TENM3: variants seen among roughly 807,000 people sequenced by gnomAD.
TENM3 encodes the protein teneurin transmembrane protein 3, also known as teneurin-3.
A neutral mutation model predicts 255.1 loss-of-function variants in TENM3; 63 were observed. The ratio of observed to expected loss-of-function variants is 0.25; its 90% CI spans 0.20 to 0.30. TENM3 has a LOEUF of 0.30. TENM3 is among the 10% of genes least tolerant of loss of function. TENM3 has a pLI of 1.00. For missense variants in TENM3, 2,929 were observed against 3,461.1 expected (o/e 0.85, Z 3.86); for synonymous variants, 1,306 against 1,322.3 (o/e 0.99, Z 0.27).
chr4:181,695,525 T>C, the TENM3 span, among the ~76,000 whole-genome samples: 1 of 152,214 alleles, frequency 6.6e-6, no homozygotes, highest in African/African-American at 2.4e-5. Context: ...AGTGTGATTA[T>C]TCAACTTTCT....
At chr4:182,615,041 A>AT (rs1477352457) in intron 4 of TENM3, among the ~76,000 whole-genome samples, 4 of 49,526 alleles carry the variant, frequency 8.1e-5, no homozygotes, top group East Asian at 9.3e-4. Flanking sequence ...AAAAAAAAAA[A>AT]AATACATATA....
intron 3 of TENM3, among the ~76,000 whole-genome samples, chr4:182,545,245 T>C (rs1741315231): frequency 6.6e-6 from 1 of 152,210 alleles, no homozygotes; most frequent in Admixed American, 6.5e-5. Context: ...ATATGTCTGT[T>C]TGCGTGGAAA....
At chr4:182,311,436 A>T (rs1288536072) in intron 1 of TENM3, among the ~76,000 whole-genome samples, 1 of 152,148 alleles carries the variant, frequency 6.6e-6, no homozygotes, top group Non-Finnish European at 1.5e-5. Context: ...TTCTTAAAAA[A>T]TTTTATCTCT....
At chr4:181,942,308 T>C in the TENM3 span, among the ~76,000 whole-genome samples, 2 of 147,596 alleles carry the variant, frequency 1.4e-5, no homozygotes, top group Admixed American at 1.4e-4. Flanking sequence ...TTACCTTTTA[T>C]CCAAAATTAT....
chr4:182,698,283 A>C (rs879417048), intron 12 of TENM3, among the ~76,000 whole-genome samples: 1 of 152,148 alleles, frequency 6.6e-6, no homozygotes, highest in Non-Finnish European at 1.5e-5. Flanking sequence ...CTACTGTTAC[A>C]ATCTGTATAC....
chr4:181,453,571 G>A, the TENM3 span, among the ~76,000 whole-genome samples: 23 of 147,192 alleles, frequency 1.6e-4, no homozygotes, highest in Non-Finnish European at 7.6e-5. Flanking sequence ...CAAAAAAAAA[G>A]GTCAGGGGAG....
chr4:182,520,374 G>T (rs1338627813), intron 3 of TENM3, among the ~76,000 whole-genome samples: 1 of 152,182 alleles, frequency 6.6e-6, no homozygotes, highest in African/African-American at 2.4e-5. Flanking sequence ...ATTTCCACCA[G>T]AGGCAAATAG....
chr4:182,082,434 C>T, the TENM3 span, among the ~76,000 whole-genome samples: 19 of 152,152 alleles, frequency 1.2e-4, no homozygotes, highest in Middle Eastern at 3.2e-3. Context: ...CAGACCATAG[C>T]AATAATGTAC....
intron 3 of TENM3, among the ~76,000 whole-genome samples, chr4:182,386,480 C>G (rs1008323981): frequency 6.6e-6 from 1 of 152,244 alleles, no homozygotes. Context: ...AGCCCTTCGG[C>G]CTGCCACTGC....
chr4:182,529,001 T>C (rs1739507128), intron 3 of TENM3, among the ~76,000 whole-genome samples: 1 of 152,232 alleles, frequency 6.6e-6, no homozygotes, highest in Admixed American at 6.5e-5. Flanking sequence ...GCATGATCGT[T>C]CTCTGCTTAC....
rs192527714 is a variant in TENM3 at position 182,558,010 on chromosome 4, C to T, written c.512-42914C>T. ...GAGTATTAGAAAGAGAGAGAACTTG[C>T]CCGATACCTTCTGCTTTCATCTACG... On this transcript the variant is annotated intron_variant, in intron 3 of 27. Transcript: ENST00000511685. 1.6e-3 allele frequency among the ~76,000 whole-genome samples: 236 copies of T among 152,236 alleles called. 1 individual carries two copies. The highest frequency in any genetic ancestry group is 5.6e-3 in the African/African-American group (232 of 41,534).
chr4:182,089,437 A>G, the TENM3 span, among the ~76,000 whole-genome samples: 1 of 152,194 alleles, frequency 6.6e-6, no homozygotes, highest in South Asian at 2.1e-4. Flanking sequence ...CTAAATCTTT[A>G]CAGCTGCAAC....
the TENM3 span, among the ~76,000 whole-genome samples, chr4:181,507,124 A>G: frequency 6.6e-6 from 1 of 152,222 alleles, no homozygotes; most frequent in Non-Finnish European, 1.5e-5. Context: ...CATCTGGTCC[A>G]GCCTTACAGT....
the TENM3 span, among the ~76,000 whole-genome samples, chr4:182,112,255 C>A: frequency 0.024 from 3,622 of 152,224 alleles, 135 homozygotes; most frequent in East Asian, 0.18. Context: ...CCCTCCCCAA[C>A]AAAACCCCAA....
chr4:181,709,411 G>T, the TENM3 span, among the ~76,000 whole-genome samples: 3 of 152,226 alleles, frequency 2.0e-5, no homozygotes, highest in African/African-American at 4.8e-5. Context: ...ATGAAGAAAA[G>T]TAGCCCCAGG....
intron 3 of TENM3, among the ~76,000 whole-genome samples, chr4:182,359,604 C>G (rs1308364459): frequency 1.4e-5 from 2 of 146,168 alleles, no homozygotes; most frequent in South Asian, 4.7e-4. Flanking sequence ...TTTGATTCTT[C>G]TCTCTTTTTT....
chr4:181,968,962 GTCTC>G, the TENM3 span, among the ~76,000 whole-genome samples: 9,736 of 144,338 alleles, frequency 0.067, 845 homozygotes, highest in African/African-American at 0.2. Flanking sequence ...TACCTCTCTT[GTCTC>G]TCTCTCTCTC....
the TENM3 span, among the ~76,000 whole-genome samples, chr4:181,916,236 T>TA: frequency 7.9e-5 from 12 of 152,330 alleles, no homozygotes; most frequent in East Asian, 2.1e-3. Context: ...TAGGCTAGAT[T>TA]AGTGCCTCTA....
chr4:181,850,590 G>T, the TENM3 span, among the ~76,000 whole-genome samples: 1 of 151,912 alleles, frequency 6.6e-6, no homozygotes, highest in South Asian at 2.1e-4. Context: ...TTACAACTCT[G>T]CAAACCATGT....
Sources: gnomAD v4.1 joint callset for allele counts (sites outside exome capture counted in the v4.1 genomes callset) on GRCh38, gnomAD v4.1.1 for gene constraint, MANE v1.5 for transcripts, NCBI Gene and HGNC (gene_info 2026-07-23, HGNC 2026-07-21) for gene names.